BBS9: variants seen among roughly 807,000 people sequenced by gnomAD.
The protein encoded by BBS9 is Bardet-Biedl syndrome 9.
A neutral mutation model predicts 117.7 loss-of-function variants in BBS9; 89 were observed. The ratio of observed to expected loss-of-function variants is 0.76; its 90% CI spans 0.64 to 0.90. The LOEUF (loss-of-function observed/expected upper bound fraction) is 0.90. BBS9 is among the 40% of genes least tolerant of loss of function. The pLI is 0.00. For missense variants in BBS9, 982 were observed against 1,042.2 expected, an observed-to-expected ratio of 0.94 and a Z score of 0.80; for synonymous variants, 379 against 370.9, an observed-to-expected ratio of 1.02 and a Z score of -0.25.
At chr7:33,250,665 G>GTAGC (rs1311209699) in intron 5 of BBS9, among the ~76,000 whole-genome samples, 3 of 152,138 alleles carry the variant, frequency 2.0e-5, no homozygotes, top group Non-Finnish European at 4.4e-5. Context: ...CTAAACATCA[G>GTAGC]TAGCCAAGAT....
intron 5 of BBS9, among the ~76,000 whole-genome samples, chr7:33,190,728 G>C (rs766165510): frequency 1.3e-5 from 2 of 152,156 alleles, no homozygotes; most frequent in African/African-American, 2.4e-5. Context: ...ACAAAAGTCT[G>C]TTTCCAACTC....
chr7:33,578,736 C>T (rs553011761), intron 21 of BBS9, among the ~76,000 whole-genome samples: 1 of 152,280 alleles, frequency 6.6e-6, no homozygotes, highest in East Asian at 1.9e-4. Flanking sequence ...GGGAAGGACT[C>T]ATCGTCACAG....
intron 9 of BBS9, among the ~76,000 whole-genome samples, chr7:33,333,067 C>G (rs11978733): frequency 0.17 from 25,433 of 152,050 alleles, 2,362 homozygotes; most frequent in South Asian, 0.21. Flanking sequence ...GGAATCTCAT[C>G]TAAAAAGAAT....
intron 19 of BBS9, among the ~76,000 whole-genome samples, chr7:33,467,296 C>A (rs1041759420): frequency 6.6e-6 from 1 of 151,952 alleles, no homozygotes; most frequent in Admixed American, 6.6e-5. Flanking sequence ...TTACTAGACC[C>A]AGAATGACAT....
chr7:33,263,820 A>C (rs1798356437), intron 6 of BBS9, among the ~76,000 whole-genome samples: 1 of 152,172 alleles, frequency 6.6e-6, no homozygotes, highest in South Asian at 2.1e-4. Flanking sequence ...GAAGCCAGAC[A>C]CAGAGTGATT....
chr7:33,557,793 T>C (rs1265379773), intron 21 of BBS9, among the ~76,000 whole-genome samples: 1 of 152,252 alleles, frequency 6.6e-6, no homozygotes, highest in African/African-American at 2.4e-5. Flanking sequence ...GATTGCAAGA[T>C]GCTGGAAGAT....
At chr7:33,463,949 A>G (rs943503203) in intron 19 of BBS9, among the ~76,000 whole-genome samples, 3 of 152,128 alleles carry the variant, frequency 2.0e-5, no homozygotes, top group African/African-American at 7.2e-5. Flanking sequence ...TCAGTGAGGT[A>G]GACAAATCTT....
chr7:33,366,787 G>C (rs991352536), intron 16 of BBS9, among the ~76,000 whole-genome samples: 1 of 151,904 alleles, frequency 6.6e-6, no homozygotes, highest in Admixed American at 6.6e-5. Context: ...CTCATGATCT[G>C]CCCACCTCGG....
chr7:33,613,717 G>A (rs553039015), intron 21 of BBS9, among the ~76,000 whole-genome samples: 2 of 152,176 alleles, frequency 1.3e-5, no homozygotes, highest in South Asian at 2.1e-4. Context: ...ATGGAAAAGT[G>A]TAGGATCAGA....
intron 9 of BBS9, among the ~76,000 whole-genome samples, chr7:33,301,572 A>G (rs1027271535): frequency 6.6e-6 from 1 of 152,138 alleles, no homozygotes; most frequent in African/African-American, 2.4e-5. Context: ...CTGAAGTTCC[A>G]TTCATGTTGT....
chr7:33,403,209 G>A (rs1326000862), intron 19 of BBS9, among the ~76,000 whole-genome samples: 1 of 151,458 alleles, frequency 6.6e-6, no homozygotes, highest in East Asian at 1.9e-4. Context: ...TAGTGAACAT[G>A]GTACCCAGTA....
At chr7:33,483,731 A>G (rs983301809) in intron 19 of BBS9, among the ~76,000 whole-genome samples, 2 of 152,130 alleles carry the variant, frequency 1.3e-5, no homozygotes, top group African/African-American at 4.8e-5. Flanking sequence ...CCTGGACTCA[A>G]GCAATCCTCC....
At chr7:33,265,210 A>G (rs1483487461) in intron 7 of BBS9, among the ~76,000 whole-genome samples, 3 of 152,228 alleles carry the variant, frequency 2.0e-5, no homozygotes, top group Non-Finnish European at 2.9e-5. Flanking sequence ...AATTTAGAAT[A>G]CTAACATAAC....
chr7:33,346,351 C>A, intron 12 of BBS9: 1 of 429,666 alleles, frequency 2.3e-6, no homozygotes, highest in African/African-American at 2.1e-5. Flanking sequence ...GATGCGTGAC[C>A]ATCTATTCCA....
chr7:33,619,921 C>G (rs573612408), intron 21 of BBS9, among the ~76,000 whole-genome samples: 130 of 152,020 alleles, frequency 8.6e-4, no homozygotes, highest in African/African-American at 3.1e-3. Context: ...AAATAAATAA[C>G]CTAGTGTTAC....
chr7:33,420,832 T>C (rs1384450452), intron 19 of BBS9, among the ~76,000 whole-genome samples: 1 of 152,196 alleles, frequency 6.6e-6, no homozygotes, highest in Non-Finnish European at 1.5e-5. Flanking sequence ...TTGTGTATGC[T>C]GGGATTCTTG....
At chr7:33,565,817 ATATATATATACCGCTATATATACTGCT>A (rs1406327234) in intron 21 of BBS9, among the ~76,000 whole-genome samples, 3 of 60,268 alleles carry the variant, frequency 5.0e-5, no homozygotes, top group South Asian at 5.5e-4. Flanking sequence ...ATATATATAT[ATATATATATACCGCTATATATACTGCT>A]TATATATATA....
chr7:33,392,881 G>A (rs960890132), intron 19 of BBS9, among the ~76,000 whole-genome samples: 3 of 152,136 alleles, frequency 2.0e-5, no homozygotes, highest in Non-Finnish European at 4.4e-5. Context: ...AGCAAACAGA[G>A]CAGGCTGGGT....
At chr7:33,476,953 T>C (rs990367672) in intron 19 of BBS9, among the ~76,000 whole-genome samples, 2 of 152,130 alleles carry the variant, frequency 1.3e-5, no homozygotes, top group African/African-American at 4.8e-5. Context: ...AAAAAGAAGT[T>C]TAAAAGTTGG....
Sources: gnomAD v4.1 joint callset for allele counts (sites outside exome capture counted in the v4.1 genomes callset) on GRCh38, gnomAD v4.1.1 for gene constraint, MANE v1.5 for transcripts, NCBI Gene and HGNC (gene_info 2026-07-23, HGNC 2026-07-21) for gene names.